The following SCLT1 variants were observed in gnomAD, a reference collection of about 807,000 sequenced individuals.
The protein encoded by SCLT1 is sodium channel and clathrin linker 1, also known as sodium channel-associated protein 1.
Under a neutral mutation model 112.8 loss-of-function variants are expected in SCLT1, and 78 were observed. That is an observed-to-expected ratio of 0.69 (90% CI 0.58 to 0.83). SCLT1 has a LOEUF of 0.83. SCLT1 is among the 40% of genes least tolerant of loss of function. The pLI is 0.00. For synonymous variants in SCLT1, 257 were observed against 254.7 expected, an observed-to-expected ratio of 1.01 and a Z score of -0.09; for missense variants, 747 against 770.4, an observed-to-expected ratio of 0.97 and a Z score of 0.36.
intron 5 of SCLT1, among the ~76,000 whole-genome samples, chr4:129,033,502 T>TAAAAAAAAAAAAAAAAAAAAAAAAAAA (rs56325033): frequency 2.3e-5 from 1 of 44,300 alleles, no homozygotes; most frequent in African/African-American, 7.8e-5. Context: ...GAACTTAAAG[T>TAAAAAAAAAAAAAAAAAAAAAAAAAAA]AAAAAAAAAA....
At chr4:128,886,427 G>A (rs928254842) in intron 20 of SCLT1, among the ~76,000 whole-genome samples, 2 of 151,900 alleles carry the variant, frequency 1.3e-5, no homozygotes, top group African/African-American at 2.4e-5. Context: ...ATTTCTAATA[G>A]CACTTTTTCA....
At chr4:129,020,527 C>T (rs914744844) in intron 5 of SCLT1, among the ~76,000 whole-genome samples, 3 of 152,136 alleles carry the variant, frequency 2.0e-5, no homozygotes, top group East Asian at 1.9e-4. Flanking sequence ...TGGATTTCTT[C>T]GGGATTTGGA....
Position 129,088,181 on chromosome 4 carries a change from G to A in SCLT1, c.34+4889C>T, listed in dbSNP as rs7697735. ...ATAGAAAAAGGATTATACATCATGA[G>A]CAAGTGGAATTTATCCCAGAAAGGC... On this transcript the variant is annotated intron_variant, in intron 1 of 20. Transcript: ENST00000281142. 5.2e-3 allele frequency among the ~76,000 whole-genome samples: 791 copies of A among 152,142 alleles called. 5 individuals are homozygous for A. The highest frequency in any genetic ancestry group is 0.017 in the Middle Eastern group (5 of 294).
In SCLT1 at chr4:129,039,069, G is replaced by T; in HGVS notation, c.262C>A (p.Leu88Ile). The T allele has an allele frequency of 6.3e-7, 1 of 1,594,726 alleles. No homozygotes were observed. Among genetic ancestry groups the T allele is most frequent in the Non-Finnish European group, 8.6e-7 (1 of 1,163,000 alleles). ...TCATTTTCCTTGATGACATTTTCAA[G>T]TTGTAATTTCATCTCACCCACCTGT... ...QKQVGEMKLQ[L>I]ENVIKENERL... is the part of the protein sequence containing the mutation. Residue 88 changes from leucine to isoleucine, a missense_variant, in exon 5 of 21, where the codon CTT becomes ATT. Physicochemically the swap from Leu to Ile is conservative, Grantham distance 5 (BLOSUM62 2). Coordinates refer to ENST00000281142, the MANE Select transcript of SCLT1 (RefSeq NM_144643.4).
intron 8 of SCLT1, among the ~76,000 whole-genome samples, chr4:128,994,600 A>G (rs1415710299): frequency 1.3e-5 from 2 of 152,164 alleles, no homozygotes; most frequent in African/African-American, 4.8e-5. Flanking sequence ...ACTGTGTTCC[A>G]TGGCAGATGC....
At chr4:128,891,222 T>G (rs564059146) in intron 18 of SCLT1, 85 bp from the exon 19 acceptor site, 2 of 1,002,164 alleles carry the variant, frequency 2.0e-6, no homozygotes, top group Admixed American at 4.1e-5. Context: ...TGTTCATGAT[T>G]TGAACAAAAA....
chr4:129,008,827 T>A (rs572931324), intron 5 of SCLT1, among the ~76,000 whole-genome samples: 4 of 152,084 alleles, frequency 2.6e-5, no homozygotes, highest in Non-Finnish European at 1.5e-5. Context: ...CCTCCACCCA[T>A]TGATAGGCCC....
At chr4:128,903,017 C>T (rs181062217) in intron 18 of SCLT1, among the ~76,000 whole-genome samples, 9 of 151,996 alleles carry the variant, frequency 5.9e-5, no homozygotes, top group East Asian at 1.9e-4. Context: ...TTGATAGCAA[C>T]GCCTCCCTCT....
intron 9 of SCLT1, among the ~76,000 whole-genome samples, chr4:128,977,852 T>A (rs62317936): frequency 0.088 from 13,389 of 152,116 alleles, 755 homozygotes; most frequent in South Asian, 0.15. Flanking sequence ...CACTGGAGGG[T>A]CTGAAGCAGG....
At chr4:129,076,630 C>A (rs942074399) in intron 2 of SCLT1, among the ~76,000 whole-genome samples, 1 of 150,056 alleles carries the variant, frequency 6.7e-6, no homozygotes, top group Non-Finnish European at 1.5e-5. Flanking sequence ...ACCGGTGTGG[C>A]GTAGATAACA....
intron 15 of SCLT1, among the ~76,000 whole-genome samples, chr4:128,946,399 T>A (rs369043075): frequency 1.3e-5 from 2 of 152,112 alleles, no homozygotes; most frequent in South Asian, 2.1e-4. Flanking sequence ...CAAGACCCTG[T>A]CATCTAAAAA....
chr4:129,025,279 A>C (rs1165487738), intron 5 of SCLT1, among the ~76,000 whole-genome samples: 1 of 152,238 alleles, frequency 6.6e-6, no homozygotes, highest in East Asian at 1.9e-4. Flanking sequence ...GAAGGAAAAA[A>C]TGTTAAGGGC....
intron 11 of SCLT1, among the ~76,000 whole-genome samples, chr4:128,961,358 AATATGCAAATATCAT>A (rs199560528): frequency 0.018 from 2,816 of 152,248 alleles, 43 homozygotes; most frequent in Middle Eastern, 0.051. Flanking sequence ...TCACCCCCAA[AATATGCAAATATCAT>A]ATATGCAAAT....
At chr4:129,018,981 A>C (rs939458241) in intron 5 of SCLT1, among the ~76,000 whole-genome samples, 1 of 152,206 alleles carries the variant, frequency 6.6e-6, no homozygotes, top group Non-Finnish European at 1.5e-5. Context: ...TAGTGCTTTT[A>C]AATTAAATTT....
At chr4:129,015,880 C>T (rs1334792223) in intron 5 of SCLT1, among the ~76,000 whole-genome samples, 1 of 152,142 alleles carries the variant, frequency 6.6e-6, no homozygotes, top group Non-Finnish European at 1.5e-5. Context: ...TAGGAGTACG[C>T]CAGTCATCTC....
At position 128,959,626 on chromosome 4, in the gene SCLT1, C is replaced by T. The variant is rs922897456; in HGVS notation, c.1021G>A (p.Glu341Lys). ...TGACTTTTTTGAAGGTTAGCTTCTT[C>T]TAAGAGTTGCATGCTATTTCTGGCT... ...VRARNSMQLL[E>K]EANLQKSQAL... The change falls in exon 12 of 21, where the codon GAA becomes AAA. Residue 341 changes from glutamate (E) to lysine (K), a missense_variant. Physicochemically the swap from Glu to Lys is moderately conservative, Grantham distance 56. This residue lies in a region of SCLT1 where 723 missense variants were observed against 721.3 expected (regional missense o/e 1.00). Coordinates refer to ENST00000281142, the MANE Select transcript of SCLT1 (RefSeq NM_144643.4). 1.2e-6 allele frequency: 2 copies of T among 1,613,258 alleles called. No homozygotes were observed. The highest frequency in any genetic ancestry group is 4.5e-5 in the East Asian group (2 of 44,786).
At chr4:129,038,566 T>C (rs1747395490) in intron 5 of SCLT1, among the ~76,000 whole-genome samples, 1 of 152,152 alleles carries the variant, frequency 6.6e-6, no homozygotes, top group Non-Finnish European at 1.5e-5. Context: ...AGATAGTGTT[T>C]ATCTCTGGCA....
At chr4:128,902,844 T>C (rs1036577045) in intron 18 of SCLT1, among the ~76,000 whole-genome samples, 2 of 152,348 alleles carry the variant, frequency 1.3e-5, no homozygotes, top group Admixed American at 1.3e-4. Flanking sequence ...TTTCTCTATA[T>C]CCTTATTCTT....
At chr4:129,064,841 A>T (rs980652234) in intron 2 of SCLT1, among the ~76,000 whole-genome samples, 8 of 152,250 alleles carry the variant, frequency 5.3e-5, no homozygotes, top group African/African-American at 1.9e-4. Flanking sequence ...TGTGGTCAGA[A>T]AACAAATTAT....
Sources: gnomAD v4.1 joint callset for allele counts (sites outside exome capture counted in the v4.1 genomes callset) on GRCh38, gnomAD v4.1.1 for gene constraint, gnomAD v4.1.1 regional missense constraint, MANE v1.5 for transcripts, NCBI Gene and HGNC (gene_info 2026-07-23, HGNC 2026-07-21) for gene names.